Variants in FER1L5 observed in about 807,000 individuals in gnomAD.
FER1L5 encodes the protein fer-1 like family member 5, also known as fer-1-like protein 5.
A neutral mutation model predicts 279.9 loss-of-function variants in FER1L5; 187 were observed. The observed-to-expected ratio is 0.67, with a 90% CI of 0.59 to 0.75. The LOEUF (loss-of-function observed/expected upper bound fraction) is 0.75. Among genes scored for constraint, FER1L5 ranks in the 30% least tolerant of loss-of-function variants. The probability of loss-of-function intolerance (pLI) is 0.00; values close to 1 mark genes in which losing one functional copy is unlikely to be tolerated. For missense variants in FER1L5, 2,091 were observed against 2,594.4 expected, an observed-to-expected ratio of 0.81 and a Z score of 4.21; for synonymous variants, 921 against 989.7, an observed-to-expected ratio of 0.93 and a Z score of 1.30.
In FER1L5 at chr2:96,700,712, G is replaced by A. The variant is rs569518562; in HGVS notation, c.5070+241G>A. Among the ~76,000 whole-genome samples the A allele has an allele frequency of 5.8e-4, 89 of 152,306 alleles. 1 individual carries two copies. The highest frequency in any genetic ancestry group is 3.4e-3 in the Middle Eastern group (1 of 294). ...CATCTACAAGAAACAGAGGCCATGC[G>A]CCAGCTGTGGGAGGCACCAGGGAGC... On this transcript the variant is annotated intron_variant, in intron 45 of 52. Coordinates refer to ENST00000624922, the MANE Select transcript of FER1L5 (RefSeq NM_001293083.2).
chr2:96,680,289 CT>C (rs1403502760), intron 19 of FER1L5, among the ~76,000 whole-genome samples: 2 of 152,122 alleles, frequency 1.3e-5, no homozygotes, highest in South Asian at 4.1e-4. Context: ...TGCATCTCTG[CT>C]TATTTATCAT....
chr2:96,702,490 C>G lies in FER1L5; in HGVS notation c.5255+89C>G. 2 of 1,551,422 alleles carry G rather than the reference C, an allele frequency of 1.3e-6. No homozygotes were observed. Among genetic ancestry groups the G allele is most frequent in the Non-Finnish European group, 1.7e-6 (2 of 1,147,294 alleles). On this transcript the variant is annotated intron_variant, in intron 47 of 52. Transcript: ENST00000624922. The surrounding 1 kb of genome is among the most constrained non-coding windows in gnomAD (Gnocchi z 4.0). Reference sequence around the variant, plus strand: ...CACGGCCCAGTCCTGAATGGGACACCTCTCCATCCAGCTCTGCCTGGCGTC... The same window carrying G: ...CACGGCCCAGTCCTGAATGGGACACGTCTCCATCCAGCTCTGCCTGGCGTC...
chr2:96,690,489 T>G lies in FER1L5; in HGVS notation c.2643T>G (p.Asn881Lys). 1 of 1,551,448 alleles carries G rather than the reference T, an allele frequency of 6.4e-7. No individual in the cohort carries two copies. The highest frequency in any genetic ancestry group is 1.4e-5 in the African/African-American group (1 of 73,136). ...GPAAIPNTDV[N>K]GQPMEARENV... ...TCGCCCTCTCTGTCCACCTGCAGAATGGACAGCCCATGGAGGCCCGGGAGA... is the reference window on the plus strand; with the variant it reads ...TCGCCCTCTCTGTCCACCTGCAGAAGGGACAGCCCATGGAGGCCCGGGAGA... The change falls in exon 27 of 53, where the codon AAT becomes AAG. Residue 881 changes from asparagine to lysine, a missense_variant and splice_region_variant. By Grantham distance (94) the Asn-to-Lys change is moderately conservative. Transcript: ENST00000624922.
At chr2:96,659,290 TTTCCTTCCTTCCTTCC>T (rs1179676955) in intron 9 of FER1L5, among the ~76,000 whole-genome samples, 8 of 81,030 alleles carry the variant, frequency 9.9e-5, no homozygotes, top group Non-Finnish European at 1.1e-4. Context: ...TTTATCAAGC[TTTCCTTCCTTCCTTCC>T]TTCCTTCCTT....
At chr2:96,699,473 GGC>G in intron 42 of FER1L5, 75 bp from the exon 43 acceptor site, 1 of 1,496,002 alleles carries the variant, frequency 6.7e-7, no homozygotes, top group African/African-American at 1.4e-5. Context: ...GGGCCTACGG[GGC>G]CGAGACACCG....
Position 96,697,725 on chromosome 2 carries a change from C to G in FER1L5, c.4200C>G (p.Ser1400=). The G allele has an allele frequency of 6.2e-7, 1 of 1,613,962 alleles. No individual in the cohort carries two copies. The highest frequency in any genetic ancestry group is 8.5e-7 in the Non-Finnish European group (1 of 1,179,870). Residue 1400 remains serine, a synonymous_variant, in exon 39 of 53, where the codon TCC becomes TCG. Transcript: ENST00000624922. The part of the protein sequence containing the change: ...KLFWATDEHK[S]LKYKYKDYHT... Reference sequence around the variant, plus strand: ...TCTGGGCCACAGATGAGCACAAGTCCCTGAAGTACAAGTACAAAGACTACC... The same window carrying G: ...TCTGGGCCACAGATGAGCACAAGTCGCTGAAGTACAAGTACAAAGACTACC...
rs761480211 is a variant in FER1L5, at chr2:96,699,151, C to T, written c.4610+15C>T. 7 of 1,593,344 alleles carry T rather than the reference C, an allele frequency of 4.4e-6. No individual in the cohort carries two copies. The highest frequency in any genetic ancestry group is 1.7e-4 in the Middle Eastern group (1 of 6,022). On this transcript the variant is annotated intron_variant, in intron 42 of 52. Coordinates refer to ENST00000624922, the MANE Select transcript of FER1L5 (RefSeq NM_001293083.2). The stretch of plus-strand genomic sequence containing the variant: ...ATCTTTGGCATGTGAGCTGCCCCAA[C>T]CCCCAAGACCCCTTCTCCACTCCTA...
At chr2:96,657,255 A>G (rs971635257) in intron 9 of FER1L5, among the ~76,000 whole-genome samples, 2 of 151,492 alleles carry the variant, frequency 1.3e-5, no homozygotes, top group African/African-American at 2.4e-5. Context: ...TTGTATTTTT[A>G]GTGGAGATGG....
At chr2:96,699,491 G>A (rs1206139618) in intron 42 of FER1L5, 59 bp from the exon 43 acceptor site, 2 of 1,553,240 alleles carry the variant, frequency 1.3e-6, no homozygotes, top group East Asian at 2.3e-5. Flanking sequence ...CACCGGTGAG[G>A]GAGGGGGGCA....
Position 96,689,430 on chromosome 2 carries a change from C to T in FER1L5, c.2525+54C>T. The T allele has an allele frequency of 6.5e-7, 1 of 1,534,492 alleles. No homozygotes were observed. The highest frequency in any genetic ancestry group is 8.8e-7 in the Non-Finnish European group (1 of 1,142,400). On this transcript the variant is annotated intron_variant, in intron 25 of 52. Coordinates refer to ENST00000624922, the MANE Select transcript of FER1L5 (RefSeq NM_001293083.2). The surrounding 1 kb of genome is among the most constrained non-coding windows in gnomAD (Gnocchi z 4.6). ...GAGGGGACACTTCACCTGGGAGGGC[C>T]AGTCCGCGGCAGCCCAGAAAGATGG...
chr2:96,669,125 G>C lies in FER1L5; in HGVS notation c.1350G>C (p.Gln450His). Reference sequence around the variant, plus strand: ...GTAAAAAGGCCCCTTTCAGGATCCAGGAAGAAGGCGCTGTAAGCTTCTCAC... The same window carrying C: ...GTAAAAAGGCCCCTTTCAGGATCCACGAAGAAGGCGCTGTAAGCTTCTCAC... ...HGGKKAPFRIQEEGACIPDSV... is the reference protein window; with the variant it reads ...HGGKKAPFRIHEEGACIPDSV... The change falls in exon 17 of 53, where the codon CAG becomes CAC. Residue 450 changes from glutamine to histidine, a missense_variant. Transcript: ENST00000624922. The C allele has an allele frequency of 6.4e-7, 1 of 1,551,634 alleles. No homozygotes were observed.
chr2:96,704,732 C>A lies in FER1L5; in HGVS notation c.*40C>A. 1.3e-6 allele frequency: 2 copies of A among 1,536,122 alleles called. No homozygotes were observed. The highest frequency in any genetic ancestry group is 1.8e-6 in the Non-Finnish European group (2 of 1,111,204). On this transcript the variant is annotated 3_prime_UTR_variant, in exon 53 of 53. Transcript: ENST00000624922. The stretch of plus-strand genomic sequence containing the variant: ...CTGGCTTTCCTCCTGCTACCAACAG[C>A]CCTCCCCTTGGGCTGGCTACCAGTT...
At chr2:96,693,766 G>A in intron 32 of FER1L5, 79 bp downstream of exon 32, 13 of 1,493,112 alleles carry the variant, frequency 8.7e-6, no homozygotes, top group Non-Finnish European at 1.2e-5. Context: ...AGATGAAAAT[G>A]TATGGAAAGT....
At chr2:96,677,913 TCTTTAAGTGGAATGG>T (rs1340908069) in intron 19 of FER1L5, among the ~76,000 whole-genome samples, 1 of 151,422 alleles carries the variant, frequency 6.6e-6, no homozygotes, top group East Asian at 1.9e-4. Context: ...CGTATACAAG[TCTTTAAGTGGAATGG>T]CTTTTTAAGA....
chr2:96,669,856 TCA>T (rs1248114649), intron 17 of FER1L5, among the ~76,000 whole-genome samples: 1 of 152,108 alleles, frequency 6.6e-6, no homozygotes. Context: ...TCAGTGGTAA[TCA>T]CAGTTACCAC....
Position 96,699,957 on chromosome 2 carries a change from C to A in FER1L5, c.4807C>A (p.Gln1603Lys). ...GTCAGGGCCCTTTAGATGGCGGGAT[C>A]AGATGCCCCCAAGCTACCTCCTAGA... The part of the protein sequence containing the change: ...CQSGPFRWRD[Q>K]MPPSYLLERY... Residue 1603 changes from glutamine (Q) to lysine (K), a missense_variant, in exon 44 of 53, where the codon CAG becomes AAG. Gln to Lys is a moderately conservative substitution (Grantham distance 53). Transcript: ENST00000624922. The A allele has an allele frequency of 1.2e-6, 2 of 1,613,926 alleles. No homozygotes were observed. The highest frequency in any genetic ancestry group is 1.6e-4 in the Middle Eastern group (1 of 6,062).
intron 17 of FER1L5, 42 bp downstream of exon 17, chr2:96,669,179 G>C: frequency 6.5e-7 from 1 of 1,529,650 alleles, no homozygotes; most frequent in Non-Finnish European, 8.8e-7. Context: ...TGGAGGTAGA[G>C]CTTCCCCATG....
chr2:96,671,842 G>A (rs1249340290), intron 18 of FER1L5, among the ~76,000 whole-genome samples: 1 of 152,188 alleles, frequency 6.6e-6, no homozygotes, highest in Admixed American at 6.5e-5. Flanking sequence ...GAGAGAAAGG[G>A]CGAGGACTGA....
intron 37 of FER1L5, among the ~76,000 whole-genome samples, chr2:96,697,068 C>CT (rs1479926333): frequency 6.6e-6 from 1 of 152,246 alleles, no homozygotes; most frequent in East Asian, 1.9e-4. Context: ...AGCCACTGAT[C>CT]TATCAGAATT....
Sources: allele counts gnomAD v4.1 joint callset (sites outside exome capture counted in the v4.1 genomes callset), GRCh38; gene constraint gnomAD v4.1.1; non-coding constraint Gnocchi (gnomAD v3.1); transcripts MANE v1.5; gene names NCBI Gene and HGNC (gene_info 2026-07-23, HGNC 2026-07-21).